Variants in RHOU observed in about 807,000 individuals in gnomAD.
RHOU encodes ras homolog family member U, also known as rho-related GTP-binding protein RhoU.
RHOU carries 8 observed loss-of-function variants against 12.6 expected under a neutral mutation model. The ratio of observed to expected loss-of-function variants is 0.64; its 90% CI spans 0.37 to 1.15. RHOU has a LOEUF of 1.15. RHOU is among the 50% of genes most tolerant of loss of function. The pLI is 0.01. For synonymous variants in RHOU, 161 were observed against 147.4 expected (o/e 1.09, Z -0.67); for missense variants, 258 against 347.0 (o/e 0.74, Z 2.04).
the RHOU span, among the ~76,000 whole-genome samples, chr1:228,724,148 C>T: frequency 1.3e-5 from 2 of 152,138 alleles, no homozygotes; most frequent in African/African-American, 2.4e-5. Flanking sequence ...TGCTCACTGA[C>T]GTATCCCCAA....
At position 228,743,371 on chromosome 1, in the gene RHOU, C is replaced by T. The variant is rs1308727564; in HGVS notation, c.408C>T (p.Phe136=). The T allele has an allele frequency of 1.2e-6, 2 of 1,614,196 alleles. No individual in the cohort carries two copies. Among genetic ancestry groups the T allele is most frequent in the African/African-American group, 1.3e-5 (1 of 75,048 alleles). Residue 136 remains phenylalanine, a synonymous_variant, in exon 3 of 3, where the codon TTC becomes TTT. Coordinates refer to ENST00000366691, the MANE Select transcript of RHOU (RefSeq NM_021205.6). This position sits in a 1 kb window ranked among gnomAD's most constrained non-coding sequence, Gnocchi z 5.1. ...TCAGTGTCGTGAGCCCCTCATCCTT[C>T]CAGAACGTCAGTGAGAAATGGGTGC... is the stretch of plus-strand genomic sequence containing the variant. ...LCFSVVSPSS[F]QNVSEKWVPE...
chr1:228,675,096 T>C, the RHOU span, among the ~76,000 whole-genome samples: 4 of 152,194 alleles, frequency 2.6e-5, no homozygotes, highest in Non-Finnish European at 4.4e-5. Flanking sequence ...TTCACAAGGA[T>C]TGATATGCTT....
the RHOU span, among the ~76,000 whole-genome samples, chr1:228,680,116 T>A: frequency 6.6e-6 from 1 of 152,074 alleles, no homozygotes; most frequent in South Asian, 2.1e-4. Flanking sequence ...TGGAGTGGGT[T>A]GCCTCCGTAT....
chr1:228,687,609 A>G, the RHOU span: 1 of 1,568,966 alleles, frequency 6.4e-7, no homozygotes, highest in African/African-American at 1.3e-5. Context: ...AAAAAGTGTG[A>G]ATCAGTCACT....
At chr1:228,692,645 C>T in the RHOU span, among the ~76,000 whole-genome samples, 2 of 151,720 alleles carry the variant, frequency 1.3e-5, no homozygotes, top group African/African-American at 4.8e-5. Context: ...GCTATGTTAC[C>T]CAGCCTGGTC....
At chr1:228,647,206 G>GT in the RHOU span, among the ~76,000 whole-genome samples, 2 of 152,210 alleles carry the variant, frequency 1.3e-5, no homozygotes, top group African/African-American at 4.8e-5. Flanking sequence ...GCTGAGACGG[G>GT]TTTTTTCTTG....
At chr1:228,677,538 C>T in the RHOU span, among the ~76,000 whole-genome samples, 9 of 151,702 alleles carry the variant, frequency 5.9e-5, no homozygotes, top group African/African-American at 7.3e-5. Flanking sequence ...AGGGCCTCAG[C>T]GATTTTGGAG....
the RHOU span, among the ~76,000 whole-genome samples, chr1:228,682,827 G>A: frequency 6.6e-6 from 1 of 152,094 alleles, no homozygotes; most frequent in Non-Finnish European, 1.5e-5. Context: ...AATTCTAAAG[G>A]GAGTATGGGA....
the RHOU span, among the ~76,000 whole-genome samples, chr1:228,663,914 C>T: frequency 1.3e-5 from 2 of 150,232 alleles, no homozygotes; most frequent in Admixed American, 6.6e-5. Flanking sequence ...ATTACAGGCG[C>T]GAGCCGCCAC....
the RHOU span, among the ~76,000 whole-genome samples, chr1:228,679,696 T>A: frequency 1.3e-5 from 2 of 152,088 alleles, no homozygotes; most frequent in African/African-American, 4.8e-5. Context: ...GCTTTAATCC[T>A]TTTAAAGCAT....
the RHOU span, among the ~76,000 whole-genome samples, chr1:228,695,279 C>T: frequency 2.6e-5 from 4 of 152,142 alleles, no homozygotes; most frequent in Admixed American, 1.3e-4. Context: ...TAAGAGTAAG[C>T]GTTTTTGCCT....
the RHOU span, among the ~76,000 whole-genome samples, chr1:228,646,764 G>T: frequency 3.3e-5 from 5 of 152,028 alleles, no homozygotes; most frequent in African/African-American, 7.2e-5. Context: ...GTTCGTTCTC[G>T]TTCCGGAACC....
chr1:228,661,733 A>G, the RHOU span, among the ~76,000 whole-genome samples: 1 of 152,236 alleles, frequency 6.6e-6, no homozygotes, highest in African/African-American at 2.4e-5. Context: ...ACCCTAGAAG[A>G]AAACCTAGGC....
chr1:228,663,527 T>TA, the RHOU span, among the ~76,000 whole-genome samples: 1 of 151,614 alleles, frequency 6.6e-6, no homozygotes, highest in Non-Finnish European at 1.5e-5. Context: ...AAAGAAAAGT[T>TA]AAAAAAAATT....
chr1:228,728,488 T>G, the RHOU span, among the ~76,000 whole-genome samples: 1 of 152,214 alleles, frequency 6.6e-6, no homozygotes, highest in Admixed American at 6.5e-5. Context: ...GTACTTCATG[T>G]TCCTGGAAAA....
the RHOU span, among the ~76,000 whole-genome samples, chr1:228,723,458 T>C: frequency 1.3e-5 from 2 of 152,200 alleles, no homozygotes; most frequent in Admixed American, 1.3e-4. Context: ...AGTCTTTTAA[T>C]ATGCAAATGC....
At chr1:228,729,169 C>T in the RHOU span, among the ~76,000 whole-genome samples, 1 of 152,262 alleles carries the variant, frequency 6.6e-6, no homozygotes, top group Middle Eastern at 3.4e-3. Context: ...GCTGGGATTA[C>T]AAGCATGAGC....
the RHOU span, among the ~76,000 whole-genome samples, chr1:228,677,138 C>T: frequency 6.6e-6 from 1 of 152,102 alleles, no homozygotes; most frequent in Non-Finnish European, 1.5e-5. Context: ...TGGGAACCTA[C>T]AGTGGGAGAG....
chr1:228,731,968 T>A (rs746585931), upstream of RHOU, among the ~76,000 whole-genome samples: 5 of 152,226 alleles, frequency 3.3e-5, no homozygotes, highest in Non-Finnish European at 5.9e-5. Flanking sequence ...GTCTTAAAAC[T>A]GAGCAAAGAC....
Sources: allele counts gnomAD v4.1 joint callset (sites outside exome capture counted in the v4.1 genomes callset), GRCh38; gene constraint gnomAD v4.1.1; non-coding constraint Gnocchi (gnomAD v3.1); transcripts MANE v1.5; gene names NCBI Gene and HGNC (gene_info 2026-07-23, HGNC 2026-07-21).